The following CAMK1D variants were observed in gnomAD, a reference collection of about 807,000 sequenced individuals.
CAMK1D encodes the protein calcium/calmodulin-dependent protein kinase type 1D.
CAMK1D carries 9 observed loss-of-function variants against 47.7 expected under a neutral mutation model. The ratio of observed to expected loss-of-function variants is 0.19; its 90% CI spans 0.11 to 0.33. The LOEUF is 0.33. CAMK1D is among the 10% of genes least tolerant of loss of function. The pLI is 1.00. For synonymous variants in CAMK1D, 184 were observed against 184.9 expected, an observed-to-expected ratio of 0.99 and a Z score of 0.04; for missense variants, 291 against 488.7, an observed-to-expected ratio of 0.60 and a Z score of 3.81.
At chr10:12,670,866 T>C (rs1351779571) in intron 3 of CAMK1D, among the ~76,000 whole-genome samples, 2 of 152,188 alleles carry the variant, frequency 1.3e-5, no homozygotes, top group African/African-American at 4.8e-5. Context: ...TTTTTTGTTA[T>C]AGTCACAAGG....
intron 5 of CAMK1D, among the ~76,000 whole-genome samples, chr10:12,774,587 T>C (rs745888450): frequency 3.3e-5 from 5 of 152,208 alleles, no homozygotes; most frequent in Admixed American, 6.5e-5. Context: ...CAGTGACATA[T>C]TGTTTTTAAC....
chr10:12,596,971 T>A (rs1236260206), intron 2 of CAMK1D, among the ~76,000 whole-genome samples: 1 of 152,180 alleles, frequency 6.6e-6, no homozygotes, highest in Non-Finnish European at 1.5e-5. Context: ...TGAAACAGGA[T>A]ACTCAAGGTA....
intron 3 of CAMK1D, among the ~76,000 whole-genome samples, chr10:12,670,244 G>A (rs1032841208): frequency 3.2e-4 from 48 of 151,474 alleles, no homozygotes; most frequent in African/African-American, 1.1e-3. Context: ...ATATCACAGG[G>A]TGGTTTTAAT....
In CAMK1D at chr10:12,760,963, G is replaced by A; in HGVS notation, c.315G>A (p.Glu105=). The change falls in exon 4 of 11, where the codon GAG becomes GAA. Residue 105 remains glutamate, a synonymous_variant. Coordinates refer to ENST00000619168, the MANE Select transcript of CAMK1D (RefSeq NM_153498.4). ...TTTTTGCCAGGGTGTCCGGTGGAGA[G>A]CTGTTTGACCGGATAGTGGAGAAGG... ...YLVMQLVSGG[E]LFDRIVEKGF... The A allele has an allele frequency of 6.2e-7, 1 of 1,613,896 alleles. No individual in the cohort carries two copies. Among genetic ancestry groups the A allele is most frequent in the Non-Finnish European group, 8.5e-7 (1 of 1,179,824 alleles).
chr10:12,476,804 C>T (rs773252663), intron 1 of CAMK1D, among the ~76,000 whole-genome samples: 2 of 152,090 alleles, frequency 1.3e-5, no homozygotes, highest in African/African-American at 2.4e-5. Context: ...ATCGTCTGGC[C>T]CCATAAGTCC....
intron 6 of CAMK1D, among the ~76,000 whole-genome samples, chr10:12,794,289 G>C (rs1436803958): frequency 6.6e-6 from 1 of 152,126 alleles, no homozygotes; most frequent in African/African-American, 2.4e-5. Flanking sequence ...AAAAGAGAGA[G>C]GAATGGTAGA....
chr10:12,399,977 A>G (rs1216518010), intron 1 of CAMK1D, among the ~76,000 whole-genome samples: 2 of 152,196 alleles, frequency 1.3e-5, no homozygotes, highest in Non-Finnish European at 2.9e-5. Flanking sequence ...TGATGTGACT[A>G]GAGAGGCCTG....
At position 12,829,181 on chromosome 10, in the gene CAMK1D, G is replaced by A. The variant is rs922177886; in HGVS notation, c.*294G>A. 4 of 260,868 alleles carry A rather than the reference G, an allele frequency of 1.5e-5. No individual in the cohort carries two copies. Among genetic ancestry groups the A allele is most frequent in the African/African-American group, 4.5e-5 (2 of 44,352 alleles). The allele number at this position is 260,868 out of a possible 1,614,324, so 16.2% of individuals were successfully genotyped here. On this transcript the variant is annotated 3_prime_UTR_variant, in exon 11 of 11. Coordinates refer to ENST00000619168, the MANE Select transcript of CAMK1D (RefSeq NM_153498.4). ...CTTATTCCTCTCCCCTAACACCATC[G>A]TTTCCACTCTTCTCAGTGTAGGTAA...
At chr10:12,417,061 T>TG (rs1839875842) in intron 1 of CAMK1D, among the ~76,000 whole-genome samples, 2 of 152,182 alleles carry the variant, frequency 1.3e-5, no homozygotes, top group African/African-American at 4.8e-5. Flanking sequence ...CCGAAGCCTC[T>TG]CTGTCCTCAT....
chr10:12,713,373 G>T (rs113102961), intron 3 of CAMK1D, among the ~76,000 whole-genome samples: 1,768 of 152,198 alleles, frequency 0.012, 26 homozygotes, highest in African/African-American at 0.04. Flanking sequence ...CATGAGTTGC[G>T]TTTTACCCTG....
At chr10:12,377,191 A>G (rs1436221163) in intron 1 of CAMK1D, among the ~76,000 whole-genome samples, 1 of 151,286 alleles carries the variant, frequency 6.6e-6, no homozygotes, top group Non-Finnish European at 1.5e-5. Flanking sequence ...AACAAAACAA[A>G]ACAAACAAAT....
chr10:12,490,973 A>G (rs1400771967), intron 1 of CAMK1D, among the ~76,000 whole-genome samples: 2 of 152,210 alleles, frequency 1.3e-5, no homozygotes, highest in Non-Finnish European at 2.9e-5. Context: ...TAATGGAACA[A>G]AACAATTTCC....
intron 2 of CAMK1D, among the ~76,000 whole-genome samples, chr10:12,582,561 G>A (rs1444946420): frequency 6.6e-6 from 1 of 152,156 alleles, no homozygotes; most frequent in Admixed American, 6.6e-5. Flanking sequence ...GCAGTGTCTT[G>A]TAGTTTTTCT....
chr10:12,712,561 T>G (rs985588527), intron 3 of CAMK1D, among the ~76,000 whole-genome samples: 5 of 152,186 alleles, frequency 3.3e-5, no homozygotes, highest in African/African-American at 1.2e-4. Context: ...GGCCTCCTTC[T>G]CACTGTGTTC....
intron 1 of CAMK1D, among the ~76,000 whole-genome samples, chr10:12,458,750 A>T (rs1833334804): frequency 1.3e-5 from 2 of 152,134 alleles, no homozygotes; most frequent in South Asian, 4.1e-4. Context: ...CAATATTTGC[A>T]CCTAGGATAA....
intron 2 of CAMK1D, among the ~76,000 whole-genome samples, chr10:12,646,808 G>A (rs1023665999): frequency 1.3e-5 from 2 of 152,106 alleles, no homozygotes; most frequent in Non-Finnish European, 2.9e-5. Flanking sequence ...TTCAGTTGTT[G>A]TGTTGCAGTC....
chr10:12,533,970 A>G (rs893962860), intron 1 of CAMK1D, among the ~76,000 whole-genome samples: 1 of 152,174 alleles, frequency 6.6e-6, no homozygotes, highest in African/African-American at 2.4e-5. Context: ...GCAAGGGACA[A>G]AAGAATCTGC....
Position 12,832,621 on chromosome 10 carries a change from T to A in CAMK1D, c.*3734T>A, listed in dbSNP as rs941047788. On this transcript the variant is annotated 3_prime_UTR_variant, in exon 11 of 11. Coordinates refer to ENST00000619168, the MANE Select transcript of CAMK1D (RefSeq NM_153498.4). Reference sequence around the variant, plus strand: ...AAAAGAGCTATGGCAAAGCGTGCCATACAAAGTTAAAAAAAGGAAGAGTGG... The same window carrying A: ...AAAAGAGCTATGGCAAAGCGTGCCAAACAAAGTTAAAAAAAGGAAGAGTGG... 6.6e-6 allele frequency: 1 copy of A among 152,194 alleles called. No individual in the cohort carries two copies. The highest frequency in any genetic ancestry group is 1.5e-5 in the Non-Finnish European group (1 of 68,046). The allele number at this position is 152,194 out of a possible 1,614,324, so 9.4% of individuals were successfully genotyped here.
At chr10:12,762,497 G>A (rs1028707787) in intron 4 of CAMK1D, among the ~76,000 whole-genome samples, 9 of 152,010 alleles carry the variant, frequency 5.9e-5, no homozygotes, top group Admixed American at 2.6e-4. Context: ...AGTGATTCCC[G>A]AATGTTCGCC....
Sources: allele counts gnomAD v4.1 joint callset (sites outside exome capture counted in the v4.1 genomes callset), GRCh38; gene constraint gnomAD v4.1.1; transcripts MANE v1.5; gene names NCBI Gene and HGNC (gene_info 2026-07-23, HGNC 2026-07-21).